Variants in PCDHGA5 observed in about 807,000 individuals in gnomAD.
PCDHGA5 encodes protocadherin gamma subfamily A, 5.
Under a neutral mutation model 56.7 loss-of-function variants are expected in PCDHGA5, and 36 were observed. The ratio of observed to expected loss-of-function variants is 0.64; its 90% CI spans 0.49 to 0.84. The LOEUF (loss-of-function observed/expected upper bound fraction) is 0.84, where lower values mean the gene tolerates loss of function less well. Ranked by LOEUF, PCDHGA5 falls within the 40% of genes least tolerant of loss-of-function variation. The pLI is 0.00. For synonymous variants in PCDHGA5, 563 were observed against 520.2 expected (o/e 1.08, Z -1.12); for missense variants, 1,305 against 1,201.5 (o/e 1.09, Z -1.27).
intron 1 of PCDHGA5, among the ~76,000 whole-genome samples, chr5:141,444,473 G>A (rs943971075): frequency 2.6e-5 from 4 of 151,972 alleles, no homozygotes; most frequent in Admixed American, 6.6e-5. Flanking sequence ...GCCCGGTCGC[G>A]TACTGGATTT....
intron 1 of PCDHGA5, chr5:141,421,710 A>G (rs781498853): frequency 1.2e-6 from 2 of 1,613,940 alleles, no homozygotes; most frequent in South Asian, 2.2e-5. Flanking sequence ...CTAGGGATCC[A>G]GATGTGGGCG....
intron 1 of PCDHGA5, chr5:141,400,748 C>A: frequency 5.0e-6 from 3 of 604,576 alleles, no homozygotes; most frequent in Non-Finnish European, 8.6e-6. Context: ...TTGCTCTTAG[C>A]TTCCTCTCTA....
intron 1 of PCDHGA5, chr5:141,407,951 A>G (rs1256400393): frequency 1.7e-6 from 1 of 578,448 alleles, no homozygotes; most frequent in Non-Finnish European, 2.8e-6. Flanking sequence ...GCTGTCGGCC[A>G]GTGCAGAGCA....
At chr5:141,414,567 T>C in intron 1 of PCDHGA5, 1 of 1,613,962 alleles carries the variant, frequency 6.2e-7, no homozygotes, top group Non-Finnish European at 8.5e-7. Context: ...ACTTTACCTA[T>C]ATCCCAGAGA....
intron 1 of PCDHGA5, chr5:141,409,471 A>G (rs2095271616): frequency 1.2e-6 from 2 of 1,613,860 alleles, no homozygotes; most frequent in Non-Finnish European, 1.7e-6. Flanking sequence ...TCACCATCGT[A>G]GCCACTGACA....
rs542816387 is a variant in PCDHGA5, at chr5:141,394,624, T to G, written c.2421+27873T>G. ...AGAGACTCGGGCCAGAACGCCTGGC[T>G]GTCCTACCGCCTGCTCAAGGCCAGC... On this transcript the variant is annotated intron_variant, in intron 1 of 3. Transcript: ENST00000518069. 2.5e-6 allele frequency: 4 copies of G among 1,613,110 alleles called. No individual in the cohort carries two copies. The South Asian group carries it at 3.3e-5, about 13-fold the overall frequency.
intron 1 of PCDHGA5, chr5:141,409,367 G>A: frequency 1.9e-6 from 3 of 1,614,000 alleles, no homozygotes; most frequent in Non-Finnish European, 2.5e-6. Context: ...TATAGAAACA[G>A]ACATTCCATT....
At chr5:141,414,312 C>T in intron 1 of PCDHGA5, 1 of 1,613,724 alleles carries the variant, frequency 6.2e-7, no homozygotes, top group South Asian at 1.1e-5. Context: ...ATGATTTAGA[C>T]TCTGAGCAGA....
At position 141,489,078 on chromosome 5, in the gene PCDHGA5, G is replaced by A. The variant is rs990356560; in HGVS notation, c.2422-5729G>A. ...GCTCCCCTCCCCCCTGCCCACCCCC[G>A]CCACTCGGTGACTAAGAACTGCTGC... On this transcript the variant is annotated intron_variant, in intron 1 of 3. Transcript: ENST00000518069. The surrounding 1 kb of genome is among the most constrained non-coding windows in gnomAD (Gnocchi z 4.5). 6.9e-5 allele frequency: 11 copies of A among 160,224 alleles called. 1 individual carries two copies. Among genetic ancestry groups the A allele is most frequent in the Admixed American group, 3.7e-4 (4 of 10,708 alleles). The allele number at this position is 160,224 out of a possible 1,614,324, so 9.9% of individuals were successfully genotyped here.
At chr5:141,389,240 G>A (rs903029281) in intron 1 of PCDHGA5, 4 of 1,613,902 alleles carry the variant, frequency 2.5e-6, no homozygotes, top group African/African-American at 1.3e-5. Context: ...TTTTCTCACA[G>A]TCTTCCTATA....
intron 1 of PCDHGA5, chr5:141,427,297 A>G (rs1292641772): frequency 2.2e-6 from 1 of 456,900 alleles, no homozygotes; most frequent in Non-Finnish European, 4.4e-6. Context: ...ATCCTAGATG[A>G]GAATGACAAT....
At chr5:141,436,691 A>G (rs2097840863) in intron 1 of PCDHGA5, among the ~76,000 whole-genome samples, 1 of 152,226 alleles carries the variant, frequency 6.6e-6, no homozygotes, top group Admixed American at 6.5e-5. Context: ...TATATTTTCA[A>G]TGCCAGCACA....
At chr5:141,472,347 C>G (rs992566469) in intron 1 of PCDHGA5, among the ~76,000 whole-genome samples, 11 of 152,028 alleles carry the variant, frequency 7.2e-5, no homozygotes, top group Non-Finnish European at 1.2e-4. Context: ...CGAGACCATC[C>G]TGGCTAACAC....
rs1422052114 is a variant in PCDHGA5, at chr5:141,511,168, A to T, written c.2791A>T (p.Lys931Ter). The change falls in exon 4 of 4, where the codon AAG (lysine) becomes TAG (stop). Residue 931 changes from lysine to a stop codon, truncating the protein, a stop_gained. Coordinates refer to ENST00000518069, the MANE Select transcript of PCDHGA5 (RefSeq NM_018918.3). LOFTEE classifies it high-confidence loss of function. ...GAAGAAGTCGGGCAAGAAGGAGAAG[A>T]AGTAACATGGAGGCCAGGCCAAGAG... is the stretch of plus-strand genomic sequence containing the variant. The part of the protein sequence containing the change: ...NKKKSGKKEK[K>*] 1.4e-5 allele frequency: 22 copies of T among 1,614,038 alleles called. No individual in the cohort carries two copies. The highest frequency in any genetic ancestry group is 1.7e-5 in the Non-Finnish European group (20 of 1,180,008).
At chr5:141,426,621 C>G (rs984316174) in intron 1 of PCDHGA5, 1 of 392,280 alleles carries the variant, frequency 2.5e-6, no homozygotes, top group Non-Finnish European at 5.2e-6. Flanking sequence ...AGAGAATCCT[C>G]TAAATGTTTT....
rs544565104 is a variant in PCDHGA5, at chr5:141,489,014, G to A, written c.2422-5793G>A. 2.5e-5 allele frequency: 11 copies of A among 433,976 alleles called. No individual in the cohort carries two copies. The highest frequency in any genetic ancestry group is 1.6e-4 in the Admixed American group (4 of 25,754). The allele number at this position is 433,976 out of a possible 1,614,324, so 26.9% of individuals were successfully genotyped here. On this transcript the variant is annotated intron_variant, in intron 1 of 3. Coordinates refer to ENST00000518069, the MANE Select transcript of PCDHGA5 (RefSeq NM_018918.3). This position sits in a 1 kb window ranked among gnomAD's most constrained non-coding sequence, Gnocchi z 4.5. ...GGTGGGAGATCTGCTCTTCCAGCCC[G>A]CCTCTCCTCCTCCAGCTCCCCAGCT... is the stretch of plus-strand genomic sequence containing the variant.
chr5:141,404,358 C>T (rs746085915), intron 1 of PCDHGA5: 19 of 1,613,846 alleles, frequency 1.2e-5, no homozygotes, highest in Non-Finnish European at 1.6e-5. Context: ...GCCAGAGGTA[C>T]TTCCATCTTC....
chr5:141,388,558 C>T (rs928285766), intron 1 of PCDHGA5: 21 of 1,613,792 alleles, frequency 1.3e-5, no homozygotes, highest in African/African-American at 2.7e-5. Flanking sequence ...CTAAGCAGCA[C>T]TGCACAGATA....
chr5:141,414,306 T>A lies in PCDHGA5; in HGVS notation c.2421+47555T>A, dbSNP rs778408885. The A allele has an allele frequency of 6.2e-6, 10 of 1,613,584 alleles. No homozygotes were observed. The Admixed American group carries it at 1.2e-4, about 19-fold the overall frequency. Reference sequence around the variant, plus strand: ...TCGTAGCCCTTTTAAATGTGCATGATTTAGACTCTGAGCAGAATGGACAGG... The same window carrying A: ...TCGTAGCCCTTTTAAATGTGCATGAATTAGACTCTGAGCAGAATGGACAGG... On this transcript the variant is annotated intron_variant, in intron 1 of 3. Coordinates refer to ENST00000518069, the MANE Select transcript of PCDHGA5 (RefSeq NM_018918.3).
Sources: gnomAD v4.1 joint callset for allele counts (sites outside exome capture counted in the v4.1 genomes callset) on GRCh38, gnomAD v4.1.1 for gene constraint, Gnocchi (gnomAD v3.1) non-coding constraint, MANE v1.5 for transcripts, NCBI Gene and HGNC (gene_info 2026-07-23, HGNC 2026-07-21) for gene names.